UBE2L3: variants seen among roughly 807,000 people sequenced by gnomAD.
UBE2L3 encodes ubiquitin conjugating enzyme E2 L3.
UBE2L3 carries 1 observed loss-of-function variant against 17.8 expected under a neutral mutation model. That is an observed-to-expected ratio of 0.06 (90% CI 0.02 to 0.27). The LOEUF (loss-of-function observed/expected upper bound fraction) is 0.27. Ranked by LOEUF, UBE2L3 falls within the 10% of genes least tolerant of loss-of-function variation. The pLI is 1.00. For synonymous variants in UBE2L3, 44 were observed against 68.5 expected (o/e 0.64, Z 1.76); for missense variants, 40 against 192.6 (o/e 0.21, Z 4.69).
chr22:21,602,542 T>C lies in UBE2L3; in HGVS notation c.124-8315T>C, dbSNP rs375032744. Among the ~76,000 whole-genome samples, 225 of 152,326 alleles carry C rather than the reference T, an allele frequency of 1.5e-3. 4 individuals are homozygous for C. In the South Asian group the frequency reaches 0.043, roughly 29 times the overall value. ...GAAAACATGAAGTGGAATGGGGTTT[T>C]AGGATTCTTGAAAGGTTGCCATGGG... On this transcript the variant is annotated intron_variant, in intron 2 of 3. Transcript: ENST00000342192.
Position 21,579,073 on chromosome 22 carries a change from C to T in UBE2L3, c.27+11302C>T, listed in dbSNP as rs1927483687. Among the ~76,000 whole-genome samples, 3 of 151,134 alleles carry T rather than the reference C, an allele frequency of 2.0e-5. No homozygotes were observed. In the South Asian group the frequency reaches 6.3e-4, roughly 32 times the overall value. On this transcript the variant is annotated intron_variant, in intron 1 of 3. Transcript: ENST00000342192. ...TGGTGTGATCTCGGCTCACTGCAAC[C>T]TCTGCCTACCAGGTTCACGCAATTC...
At chr22:21,553,026 CTTTATTTTATTTTAT>C (rs376702499) in intron 1 of UBE2L3, among the ~76,000 whole-genome samples, 2 of 6,870 alleles carry the variant, frequency 2.9e-4, no homozygotes. Context: ...GCGCATGGCC[CTTTATTTTATTTTAT>C]TTTATTTTAT....
intron 1 of UBE2L3, among the ~76,000 whole-genome samples, chr22:21,556,602 CTTTTCTT>C (rs1337504605): frequency 9.3e-4 from 140 of 150,396 alleles, no homozygotes; most frequent in African/African-American, 2.8e-3. Flanking sequence ...GCTAATTTTT[CTTTTCTT>C]TTTTCTTTTT....
At chr22:21,612,425 G>T (rs12159303) in intron 3 of UBE2L3, among the ~76,000 whole-genome samples, 9 of 150,296 alleles carry the variant, frequency 6.0e-5, no homozygotes, top group African/African-American at 2.0e-4. Context: ...TCCCGAGTTC[G>T]CGCCATTCTC....
chr22:21,602,286 A>G (rs1928909484), intron 2 of UBE2L3, among the ~76,000 whole-genome samples: 1 of 152,190 alleles, frequency 6.6e-6, no homozygotes, highest in African/African-American at 2.4e-5. Context: ...CCAAACTAGG[A>G]TCCAGCTCTT....
At chr22:21,588,815 A>C (rs1555885083) in intron 1 of UBE2L3, among the ~76,000 whole-genome samples, 1 of 152,032 alleles carries the variant, frequency 6.6e-6, no homozygotes, top group Non-Finnish European at 1.5e-5. Context: ...GGTGCCTGCC[A>C]CCACGCCCGG....
At chr22:21,577,392 A>G (rs755571347) in intron 1 of UBE2L3, among the ~76,000 whole-genome samples, 68 of 152,330 alleles carry the variant, frequency 4.5e-4, no homozygotes, top group Admixed American at 7.8e-4. Context: ...GGCGTGAGCT[A>G]CCGCACCCAG....
chr22:21,572,151 C>T (rs1927002178), intron 1 of UBE2L3, among the ~76,000 whole-genome samples: 1 of 151,982 alleles, frequency 6.6e-6, no homozygotes, highest in Non-Finnish European at 1.5e-5. Context: ...AACTCTGAGG[C>T]AGGCCAGGCG....
chr22:21,587,539 C>T (rs1928014773), intron 1 of UBE2L3, among the ~76,000 whole-genome samples: 1 of 152,160 alleles, frequency 6.6e-6, no homozygotes, highest in Non-Finnish European at 1.5e-5. Context: ...TGAGGGTTAC[C>T]TGGGGAGATT....
At chr22:21,579,762 C>A (rs1927522972) in intron 1 of UBE2L3, among the ~76,000 whole-genome samples, 1 of 151,946 alleles carries the variant, frequency 6.6e-6, no homozygotes, top group South Asian at 2.1e-4. Flanking sequence ...CAAAGCAAGA[C>A]CCTGTCTCAG....
At chr22:21,600,542 A>G (rs770829953) in intron 2 of UBE2L3, among the ~76,000 whole-genome samples, 1 of 151,816 alleles carries the variant, frequency 6.6e-6, no homozygotes, top group African/African-American at 2.4e-5. Flanking sequence ...CTAAAAATAT[A>G]AAAATTAGCC....
intron 1 of UBE2L3, among the ~76,000 whole-genome samples, chr22:21,572,748 G>T (rs1927050982): frequency 6.6e-6 from 1 of 152,040 alleles, no homozygotes; most frequent in Admixed American, 6.6e-5. Context: ...GTTTTCTTGG[G>T]AACGGCACAT....
chr22:21,607,608 G>C (rs1929246564), intron 2 of UBE2L3, among the ~76,000 whole-genome samples: 1 of 151,910 alleles, frequency 6.6e-6, no homozygotes, highest in Admixed American at 6.6e-5. Context: ...TGCCATGGCA[G>C]ACCTGGGTGA....
intron 2 of UBE2L3, among the ~76,000 whole-genome samples, chr22:21,600,418 G>C (rs559130023): frequency 6.6e-6 from 1 of 152,202 alleles, no homozygotes; most frequent in Non-Finnish European, 1.5e-5. Flanking sequence ...GTTGCCGGCC[G>C]GGTGCAGTGG....
rs150351105 is a variant in UBE2L3, at chr22:21,608,571, C to T, written c.124-2286C>T. ...CCCAAGTAGCTGGACTACAGGCGTG[C>T]ACCACTACGCTCTGCTAATTTTTTT... On this transcript the variant is annotated intron_variant, in intron 2 of 3. Coordinates refer to ENST00000342192, the MANE Select transcript of UBE2L3 (RefSeq NM_003347.4). Among the ~76,000 whole-genome samples, 285 of 151,988 alleles carry T rather than the reference C, an allele frequency of 1.9e-3. 2 individuals carry two copies. The highest frequency in any genetic ancestry group is 2.6e-3 in the Admixed American group (39 of 15,266).
intron 1 of UBE2L3, among the ~76,000 whole-genome samples, chr22:21,560,575 C>A (rs921768489): frequency 6.7e-6 from 1 of 150,248 alleles, no homozygotes; most frequent in Non-Finnish European, 1.5e-5. Context: ...CTCAGCCTCC[C>A]AAGTAGCTGG....
At chr22:21,583,494 C>G (rs1016784767) in intron 1 of UBE2L3, among the ~76,000 whole-genome samples, 1 of 152,202 alleles carries the variant, frequency 6.6e-6, no homozygotes, top group Non-Finnish European at 1.5e-5. Flanking sequence ...TTGAGACTTG[C>G]TGCCCATAGT....
chr22:21,604,911 G>A (rs1468832751), intron 2 of UBE2L3, among the ~76,000 whole-genome samples: 1 of 152,172 alleles, frequency 6.6e-6, no homozygotes, highest in Admixed American at 6.5e-5. Context: ...GGCCTGGCCT[G>A]CCTCATGTAG....
chr22:21,606,864 G>C (rs1929203125), intron 2 of UBE2L3, among the ~76,000 whole-genome samples: 1 of 152,130 alleles, frequency 6.6e-6, no homozygotes, highest in Non-Finnish European at 1.5e-5. Context: ...AGTGGTTTCA[G>C]CTGCTCGGTG....
Sources: allele counts gnomAD v4.1 joint callset (sites outside exome capture counted in the v4.1 genomes callset), GRCh38; gene constraint gnomAD v4.1.1; transcripts MANE v1.5; gene names NCBI Gene and HGNC (gene_info 2026-07-23, HGNC 2026-07-21).